The following HECW2 variants were observed in gnomAD, a reference collection of about 807,000 sequenced individuals.
The protein encoded by HECW2 is E3 ubiquitin-protein ligase HECW2.
HECW2 carries 61 observed loss-of-function variants against 175.2 expected under a neutral mutation model. The observed-to-expected ratio is 0.35, with a 90% confidence interval of 0.28 to 0.43. The LOEUF (loss-of-function observed/expected upper bound fraction) is 0.43. Among genes scored for constraint, HECW2 ranks in the 20% least tolerant of loss-of-function variants. HECW2 has a pLI of 1.00. For missense variants in HECW2, 1,524 were observed against 2,000.5 expected (o/e 0.76, Z 4.54); for synonymous variants, 671 against 731.0 (o/e 0.92, Z 1.32).
intron 2 of HECW2, among the ~76,000 whole-genome samples, chr2:196,413,569 T>G (rs1266316190): frequency 3.9e-5 from 6 of 152,016 alleles, no homozygotes; most frequent in African/African-American, 1.5e-4. Flanking sequence ...GGTCTCAAAC[T>G]CCTGACCTCA....
At chr2:196,406,662 T>C (rs1694973696) in intron 2 of HECW2, among the ~76,000 whole-genome samples, 1 of 152,210 alleles carries the variant, frequency 6.6e-6, no homozygotes, top group Non-Finnish European at 1.5e-5. Context: ...GAACCCACTG[T>C]GTCCCATTTC....
chr2:196,486,866 A>G (rs1294718395), intron 1 of HECW2, among the ~76,000 whole-genome samples: 1 of 152,210 alleles, frequency 6.6e-6, no homozygotes, highest in Non-Finnish European at 1.5e-5. Context: ...CAGAGCTAAT[A>G]TTAAATCTTC....
intron 1 of HECW2, among the ~76,000 whole-genome samples, chr2:196,554,878 C>T (rs1208735387): frequency 6.6e-6 from 1 of 152,044 alleles, no homozygotes; most frequent in African/African-American, 2.4e-5. Flanking sequence ...AATCAATTCC[C>T]GCCCTCATAA....
At chr2:196,525,459 A>G (rs1688604750) in intron 1 of HECW2, among the ~76,000 whole-genome samples, 2 of 149,850 alleles carry the variant, frequency 1.3e-5, no homozygotes, top group Non-Finnish European at 3.0e-5. Flanking sequence ...TTTTAATTGG[A>G]TAATTTAGTC....
At chr2:196,315,158 G>A (rs896400724) in intron 10 of HECW2, among the ~76,000 whole-genome samples, 25 of 85,830 alleles carry the variant, frequency 2.9e-4, no homozygotes, top group African/African-American at 1.4e-3. Flanking sequence ...GAGTGTGTGT[G>A]TGTGTGTGTG....
rs184252315 is a variant in HECW2, at chr2:196,337,159, G to A, written c.401-2641C>T. Among the ~76,000 whole-genome samples, 23 of 152,268 alleles carry A rather than the reference G, an allele frequency of 1.5e-4. No homozygotes were observed. The East Asian group carries it at 3.9e-3, about 26-fold the overall frequency. On this transcript the variant is annotated intron_variant, in intron 3 of 28. Coordinates refer to ENST00000644978, the MANE Select transcript of HECW2 (RefSeq NM_001348768.2). ...ACTAAGCAACATCCCCTCTGACAAA[G>A]GGGGAGAGCAGCATTTTGATTAATA...
At chr2:196,405,823 T>A (rs1210885132) in intron 2 of HECW2, among the ~76,000 whole-genome samples, 1 of 151,820 alleles carries the variant, frequency 6.6e-6, no homozygotes, top group Non-Finnish European at 1.5e-5. Context: ...TCACCTCACA[T>A]CTCTTTCTCA....
chr2:196,584,019 T>C (rs1690888145), intron 1 of HECW2, among the ~76,000 whole-genome samples: 1 of 152,210 alleles, frequency 6.6e-6, no homozygotes. Context: ...CAACTCCTCC[T>C]ATAAGATACT....
intron 1 of HECW2, among the ~76,000 whole-genome samples, chr2:196,573,861 C>T (rs1313292450): frequency 1.4e-5 from 2 of 138,784 alleles, no homozygotes; most frequent in African/African-American, 6.8e-5. Flanking sequence ...ACAGACTCAA[C>T]AACAACAACA....
intron 1 of HECW2, among the ~76,000 whole-genome samples, chr2:196,555,356 G>A (rs961058848): frequency 2.0e-5 from 3 of 151,998 alleles, no homozygotes; most frequent in African/African-American, 7.3e-5. Flanking sequence ...CAGCTGCATG[G>A]GGCCTGTTTT....
chr2:196,202,654 G>T (rs1686904385), intron 28 of HECW2, among the ~76,000 whole-genome samples: 2 of 152,152 alleles, frequency 1.3e-5, no homozygotes, highest in Admixed American at 1.3e-4. Flanking sequence ...TGCCTTCAGT[G>T]AATTGCCACA....
chr2:196,396,977 G>A (rs183969555), intron 2 of HECW2, among the ~76,000 whole-genome samples: 117 of 152,236 alleles, frequency 7.7e-4, no homozygotes, highest in African/African-American at 2.7e-3. Context: ...GCCAGGCGTG[G>A]TGGCGGGCAC....
chr2:196,209,406 G>T (rs1575222627), intron 28 of HECW2, among the ~76,000 whole-genome samples: 1 of 152,146 alleles, frequency 6.6e-6, no homozygotes, highest in African/African-American at 2.4e-5. Context: ...TGACATTTAA[G>T]AATCTTTAAT....
At chr2:196,362,290 G>A (rs553701097) in intron 2 of HECW2, 3 of 548,944 alleles carry the variant, frequency 5.5e-6, no homozygotes, top group Non-Finnish European at 6.9e-6. Context: ...GCTTTTCCAT[G>A]GGAGAATTCC....
chr2:196,437,061 CTT>C (rs1418158808), intron 1 of HECW2, among the ~76,000 whole-genome samples: 1 of 152,072 alleles, frequency 6.6e-6, no homozygotes, highest in African/African-American at 2.4e-5. Context: ...CATTATCTCT[CTT>C]TTCAGATGAG....
rs74396962 is a variant in HECW2 at position 196,562,140 on chromosome 2, G to A, written c.-36+31368C>T. 7.2e-3 allele frequency among the ~76,000 whole-genome samples: 1,103 copies of A among 152,268 alleles called. 3 individuals carry two copies. The highest frequency in any genetic ancestry group is 0.011 in the Non-Finnish European group (744 of 68,012). On this transcript the variant is annotated intron_variant, in intron 1 of 28. Coordinates refer to ENST00000644978, the MANE Select transcript of HECW2 (RefSeq NM_001348768.2). Reference sequence around the variant, plus strand: ...TAATGATACGCTGAATAGATTTGCAGGTGGTTAAGCAGAATATCCAAAGAC... The same window carrying A: ...TAATGATACGCTGAATAGATTTGCAAGTGGTTAAGCAGAATATCCAAAGAC...
intron 1 of HECW2, among the ~76,000 whole-genome samples, chr2:196,449,210 G>T (rs1575553719): frequency 6.6e-6 from 1 of 152,164 alleles, no homozygotes; most frequent in Non-Finnish European, 1.5e-5. Flanking sequence ...ATTATGCACA[G>T]AACTAATCCT....
intron 1 of HECW2, among the ~76,000 whole-genome samples, chr2:196,474,838 T>C (rs1028533648): frequency 1.3e-5 from 2 of 152,166 alleles, no homozygotes; most frequent in African/African-American, 4.8e-5. Flanking sequence ...CTCAAGGGCA[T>C]GAAACTAAGC....
At chr2:196,345,524 C>T (rs977057296) in intron 2 of HECW2, among the ~76,000 whole-genome samples, 9 of 152,152 alleles carry the variant, frequency 5.9e-5, no homozygotes, top group Admixed American at 2.6e-4. Flanking sequence ...CTTCCCTGTC[C>T]CCTCTTTTTG....
Sources: gnomAD v4.1 joint callset for allele counts (sites outside exome capture counted in the v4.1 genomes callset) on GRCh38, gnomAD v4.1.1 for gene constraint, MANE v1.5 for transcripts, NCBI Gene and HGNC (gene_info 2026-07-23, HGNC 2026-07-21) for gene names.